Variants in SCNN1B observed in about 807,000 individuals in gnomAD.
SCNN1B encodes sodium channel epithelial 1 subunit beta.
SCNN1B carries 46 observed loss-of-function variants against 65.3 expected under a neutral mutation model. The observed-to-expected ratio is 0.70, with a 90% CI of 0.56 to 0.90. SCNN1B has a LOEUF of 0.90. Ranked by LOEUF, SCNN1B falls within the 40% of genes least tolerant of loss-of-function variation. The pLI is 0.00. For synonymous variants in SCNN1B, 349 were observed against 330.6 expected, an observed-to-expected ratio of 1.06 and a Z score of -0.60; for missense variants, 751 against 830.5, an observed-to-expected ratio of 0.90 and a Z score of 1.18.
intron 2 of SCNN1B, among the ~76,000 whole-genome samples, chr16:23,352,189 TGCACAGTGCCTG>T (rs1463313621): frequency 1.3e-5 from 2 of 152,238 alleles, no homozygotes; most frequent in East Asian, 1.9e-4. Flanking sequence ...GTCTGTGCCT[TGCACAGTGCCTG>T]GCACATAGTA....
intron 1 of SCNN1B, among the ~76,000 whole-genome samples, chr16:23,309,785 G>A (rs768969033): frequency 2.0e-5 from 3 of 152,136 alleles, no homozygotes; most frequent in Non-Finnish European, 2.9e-5. Context: ...AGACACACCC[G>A]GGATCGATAC....
chr16:23,380,613 G>A lies in SCNN1B; in HGVS notation c.1735G>A (p.Ala579Thr), dbSNP rs1404703981. Reference sequence around the variant, plus strand: ...CTACGCTGGCCCACCGCCCACCGTGGCCGAGCTGGTGGAGGCCCACACCAA... The same window carrying A: ...CTACGCTGGCCCACCGCCCACCGTGACCGAGCTGGTGGAGGCCCACACCAA... ...ASYAGPPPTV[A>T]ELVEAHTNFG... Residue 579 changes from alanine (A) to threonine (T), a missense_variant, in exon 13 of 13, where the codon GCC (alanine) becomes ACC (threonine). Physicochemically the swap from Ala to Thr is moderately conservative, Grantham distance 58 (BLOSUM62 0). Coordinates refer to ENST00000343070, the MANE Select transcript of SCNN1B (RefSeq NM_000336.3). The surrounding 1 kb of genome is among the most constrained non-coding windows in gnomAD (Gnocchi z 5.4). The A allele has an allele frequency of 3.7e-6, 6 of 1,613,898 alleles. No homozygotes were observed. Among genetic ancestry groups the A allele is most frequent in the East Asian group, 2.2e-5 (1 of 44,868 alleles).
chr16:23,346,020 A>G (rs1271446505), intron 1 of SCNN1B, among the ~76,000 whole-genome samples: 1 of 152,010 alleles, frequency 6.6e-6, no homozygotes, highest in Non-Finnish European at 1.5e-5. Context: ...AGAAACCCTC[A>G]TGTGCCATAA....
At chr16:23,379,998 G>T (rs184487776) in intron 11 of SCNN1B, 96 bp from the exon 12 acceptor site, 8 of 897,568 alleles carry the variant, frequency 8.9e-6, no homozygotes, top group South Asian at 1.3e-5. Flanking sequence ...GTGTGTGCAC[G>T]TGCATGTGTG....
intron 5 of SCNN1B, 69 bp from the exon 6 acceptor site, chr16:23,371,230 G>T: frequency 1.3e-6 from 2 of 1,569,176 alleles, no homozygotes; most frequent in Non-Finnish European, 8.7e-7. Flanking sequence ...GCTTGGAGAA[G>T]TGGGTAGTGG....
intron 2 of SCNN1B, among the ~76,000 whole-genome samples, chr16:23,295,205 A>C (rs893146508): frequency 6.6e-6 from 1 of 152,032 alleles, no homozygotes; most frequent in African/African-American, 2.4e-5. Flanking sequence ...ATCAGTGATC[A>C]TTAATGTTTG....
At chr16:23,345,540 A>C (rs1416357259) in intron 1 of SCNN1B, among the ~76,000 whole-genome samples, 2 of 152,156 alleles carry the variant, frequency 1.3e-5, no homozygotes, top group Non-Finnish European at 2.9e-5. Context: ...TATTCTCAGG[A>C]AGACTTCCCG....
intron 4 of SCNN1B, among the ~76,000 whole-genome samples, chr16:23,362,796 C>T (rs765203146): frequency 6.6e-6 from 1 of 152,352 alleles, no homozygotes; most frequent in Admixed American, 6.5e-5. Flanking sequence ...AACACTGTGT[C>T]CCCATGCCCT....
intron 3 of SCNN1B, among the ~76,000 whole-genome samples, chr16:23,354,623 T>C (rs534233208): frequency 6.6e-6 from 1 of 152,256 alleles, no homozygotes; most frequent in Non-Finnish European, 1.5e-5. Flanking sequence ...TTCCTGTGTG[T>C]TGAGTTTCTT....
At chr16:23,368,869 G>A (rs1182998198) in intron 5 of SCNN1B, among the ~76,000 whole-genome samples, 1 of 152,120 alleles carries the variant, frequency 6.6e-6, no homozygotes, top group Non-Finnish European at 1.5e-5. Flanking sequence ...TATAGAGTGT[G>A]GAAGGAGAGA....
At chr16:23,334,724 A>G (rs1961900800) in intron 1 of SCNN1B, among the ~76,000 whole-genome samples, 1 of 152,198 alleles carries the variant, frequency 6.6e-6, no homozygotes, top group Non-Finnish European at 1.5e-5. Flanking sequence ...GTTGCAATCA[A>G]CATCCTTAAA....
chr16:23,377,747 CTTCT>C (rs1286836677), intron 10 of SCNN1B, among the ~76,000 whole-genome samples: 2 of 121,920 alleles, frequency 1.6e-5, no homozygotes, highest in Admixed American at 1.7e-4. Context: ...CTTCTGTTTC[CTTCT>C]TTCTTTCCTT....
intron 1 of SCNN1B, among the ~76,000 whole-genome samples, chr16:23,343,475 AAAGG>A (rs569501062): frequency 0.034 from 3,893 of 113,022 alleles, 379 homozygotes; most frequent in South Asian, 0.23. Context: ...GAAAAGAAAG[AAAGG>A]AAGGAAGGAA....
chr16:23,363,012 C>T (rs576381608), intron 4 of SCNN1B, among the ~76,000 whole-genome samples: 3 of 152,302 alleles, frequency 2.0e-5, no homozygotes, highest in South Asian at 2.1e-4. Flanking sequence ...ACTTAGCCAT[C>T]GCTTACTTGT....
At position 23,377,308 on chromosome 16, in the gene SCNN1B, AG is replaced by A. The variant is rs767469156; in HGVS notation, c.1347-19del. 6.2e-7 allele frequency: 1 copy of A among 1,614,188 alleles called. No individual in the cohort carries two copies. The highest frequency in any genetic ancestry group is 1.1e-5 in the South Asian group (1 of 91,088). ...GGGCATCACTGGCAGGGACCACAAC[AG>A]GCCTGGCCTTCTCTTTCAGTGACAC... is the stretch of plus-strand genomic sequence containing the variant. On this transcript the variant is annotated intron_variant, in intron 9 of 12. Transcript: ENST00000343070.
In SCNN1B at chr16:23,282,800, A is replaced by T. The variant is rs574181374; in HGVS notation, n.111-937A>T. On this transcript the variant is annotated intron_variant and non_coding_transcript_variant, in intron 1 of 3. Transcript: ENST00000569789. ...AAACATCTGCATAAACTGCCTCTTGATTTGTATGTAATTAAAAGTAGGTGT... is the reference window on the plus strand; with the variant it reads ...AAACATCTGCATAAACTGCCTCTTGTTTTGTATGTAATTAAAAGTAGGTGT... 3.3e-5 allele frequency among the ~76,000 whole-genome samples: 5 copies of T among 152,318 alleles called. No individual in the cohort carries two copies. In the East Asian group the frequency reaches 9.6e-4, roughly 29 times the overall value.
At chr16:23,335,474 T>A (rs1961917306) in intron 1 of SCNN1B, among the ~76,000 whole-genome samples, 1 of 123,300 alleles carries the variant, frequency 8.1e-6, no homozygotes, top group African/African-American at 3.6e-5. Context: ...TTTTTTTTTT[T>A]AGATGGAGTT....
In SCNN1B at chr16:23,367,915, T is replaced by A. The variant is rs757127779; in HGVS notation, c.836T>A (p.Met279Lys). 1 of 1,614,252 alleles carries A rather than the reference T, an allele frequency of 6.2e-7. No homozygotes were observed. Among genetic ancestry groups the A allele is most frequent in the Admixed American group, 1.7e-5 (1 of 60,032 alleles). ...YGNCYIFNWG[M>K]TEKALPSANP... ...AACTGTTACATCTTCAACTGGGGCA[T>A]GACAGAGAAGGCACTTCCTTCGGCC... Residue 279 changes from methionine to lysine, a missense_variant, in exon 5 of 13, where the codon ATG becomes AAG. Coordinates refer to ENST00000343070, the MANE Select transcript of SCNN1B (RefSeq NM_000336.3).
At chr16:23,372,140 C>G in intron 7 of SCNN1B, 1 of 557,010 alleles carries the variant, frequency 1.8e-6, no homozygotes, top group East Asian at 3.1e-5. Flanking sequence ...GGATCTTACT[C>G]TGGGGTTTCC....
Sources: allele counts gnomAD v4.1 joint callset (sites outside exome capture counted in the v4.1 genomes callset), GRCh38; gene constraint gnomAD v4.1.1; non-coding constraint Gnocchi (gnomAD v3.1); transcripts MANE v1.5; gene names NCBI Gene and HGNC (gene_info 2026-07-23, HGNC 2026-07-21).